Variants in PRKCZ observed in about 807,000 individuals in gnomAD.
PRKCZ encodes the protein protein kinase C zeta.
A neutral mutation model predicts 79.5 loss-of-function variants in PRKCZ; 33 were observed. That is an observed-to-expected ratio of 0.41 (90% CI 0.31 to 0.55). The LOEUF (loss-of-function observed/expected upper bound fraction) is 0.55. PRKCZ is among the 20% of genes least tolerant of loss of function. The probability of loss-of-function intolerance (pLI) is 0.19; values close to 1 mark genes in which losing one functional copy is unlikely to be tolerated. For missense variants in PRKCZ, 578 were observed against 813.5 expected, an observed-to-expected ratio of 0.71 and a Z score of 3.52; for synonymous variants, 342 against 320.9, an observed-to-expected ratio of 1.07 and a Z score of -0.70.
chr1:2,091,548 G>A (rs1356303506), intron 4 of PRKCZ, among the ~76,000 whole-genome samples: 2 of 152,058 alleles, frequency 1.3e-5, no homozygotes, highest in South Asian at 2.1e-4. Flanking sequence ...TTCTGTTCCT[G>A]GCCGTCCTCT....
chr1:2,101,799 CA>C (rs1007065341), intron 4 of PRKCZ, among the ~76,000 whole-genome samples: 1 of 152,162 alleles, frequency 6.6e-6, no homozygotes, highest in African/African-American at 2.4e-5. Flanking sequence ...AGATGTGTGG[CA>C]GAGGCGTAGT....
intron 4 of PRKCZ, among the ~76,000 whole-genome samples, chr1:2,080,649 T>C (rs1053630168): frequency 1.3e-5 from 2 of 152,194 alleles, no homozygotes; most frequent in Non-Finnish European, 2.9e-5. Flanking sequence ...GTCAGCGTAA[T>C]GCGTGAGTTA....
Position 2,172,006 on chromosome 1 carries a change from G to A in PRKCZ, c.1062-49G>A, listed in dbSNP as rs370941989. 15 of 1,539,970 alleles carry A rather than the reference G, an allele frequency of 9.7e-6. No individual in the cohort carries two copies. The highest frequency in any genetic ancestry group is 2.7e-5 in the African/African-American group (2 of 72,842). ...TGGCCCCCAGGCTGGAGCTGTTGGC[G>A]CAGCCTCTGGCACAGGCACTGCCCC... On this transcript the variant is annotated intron_variant, in intron 11 of 17. Transcript: ENST00000378567. The surrounding 1 kb of genome is among the most constrained non-coding windows in gnomAD (Gnocchi z 7.8).
At chr1:2,114,020 GC>G (rs1003672671) in intron 4 of PRKCZ, among the ~76,000 whole-genome samples, 7 of 152,274 alleles carry the variant, frequency 4.6e-5, no homozygotes, top group African/African-American at 1.7e-4. Flanking sequence ...GAGAGCGGGC[GC>G]CATGTTGTGT....
chr1:2,183,810 G>C (rs1441516418), intron 16 of PRKCZ: 2 of 152,406 alleles, frequency 1.3e-5, no homozygotes, highest in Admixed American at 6.5e-5. Flanking sequence ...GAGTTTGTCT[G>C]TGAGGGCGGG....
chr1:2,160,159 C>T (rs1681926339), intron 10 of PRKCZ, among the ~76,000 whole-genome samples: 1 of 152,198 alleles, frequency 6.6e-6, no homozygotes, highest in Non-Finnish European at 1.5e-5. Flanking sequence ...TCAGGCCGTG[C>T]ACTGACTGAG....
intron 4 of PRKCZ, among the ~76,000 whole-genome samples, chr1:2,120,638 G>C (rs1671705958): frequency 6.6e-6 from 1 of 151,570 alleles, no homozygotes; most frequent in African/African-American, 2.4e-5. Flanking sequence ...CTCTCCCCTG[G>C]GACCCCCACA....
chr1:2,086,652 T>G (rs1292005541), intron 4 of PRKCZ, among the ~76,000 whole-genome samples: 1 of 152,182 alleles, frequency 6.6e-6, no homozygotes, highest in African/African-American at 2.4e-5. Context: ...CTAACCTGCC[T>G]GCTGCTCCTG....
At chr1:2,164,966 C>A (rs905159981) in intron 10 of PRKCZ, among the ~76,000 whole-genome samples, 2 of 152,206 alleles carry the variant, frequency 1.3e-5, no homozygotes, top group African/African-American at 4.8e-5. Flanking sequence ...GGGGCTGCCT[C>A]CCATGCGTCC....
intron 4 of PRKCZ, among the ~76,000 whole-genome samples, chr1:2,108,653 G>A (rs571714348): frequency 6.6e-6 from 1 of 152,216 alleles, no homozygotes; most frequent in Admixed American, 6.5e-5. Flanking sequence ...TGGCCTGGTG[G>A]CCGTGGGAGA....
intron 4 of PRKCZ, among the ~76,000 whole-genome samples, chr1:2,100,470 G>A (rs535708504): frequency 6.6e-6 from 1 of 152,346 alleles, no homozygotes; most frequent in Non-Finnish European, 1.5e-5. Flanking sequence ...TCTAAATGCT[G>A]TGTCCTCTCC....
At chr1:2,072,770 C>G (rs977185342) in intron 4 of PRKCZ, among the ~76,000 whole-genome samples, 1 of 152,074 alleles carries the variant, frequency 6.6e-6, no homozygotes, top group Non-Finnish European at 1.5e-5. Flanking sequence ...GCTGGAGCAT[C>G]GAGGGCACAG....
chr1:2,102,314 G>GTT lies in PRKCZ; in HGVS notation c.335-32938_335-32937dup, dbSNP rs113018085. Among the ~76,000 whole-genome samples the GTT allele has an allele frequency of 4.4e-3, 628 of 143,798 alleles. 1 individual carries two copies. The highest frequency in any genetic ancestry group is 9.5e-3 in the African/African-American group (364 of 38,146). The allele number at this position is 143,798 out of a possible 152,430, so 94.3% of individuals were successfully genotyped here. ...AAGCCTAGTACACGTTTTTTATTGC[G>GTT]TTTTTTTTTTTGTTTGTTTTGTTTT... On this transcript the variant is annotated intron_variant, in intron 4 of 17. Coordinates refer to ENST00000378567, the MANE Select transcript of PRKCZ (RefSeq NM_002744.6).
At chr1:2,116,465 T>C (rs1670786059) in intron 4 of PRKCZ, among the ~76,000 whole-genome samples, 1 of 152,220 alleles carries the variant, frequency 6.6e-6, no homozygotes, top group Non-Finnish European at 1.5e-5. Flanking sequence ...TGTGTGTGTT[T>C]TAGAGACAAG....
intron 4 of PRKCZ, among the ~76,000 whole-genome samples, chr1:2,080,905 C>T (rs1373975936): frequency 3.3e-5 from 5 of 152,142 alleles, no homozygotes; most frequent in Non-Finnish European, 7.4e-5. Flanking sequence ...CTGGGGTTTG[C>T]CTCATGTTTT....
chr1:2,127,376 A>T lies in PRKCZ; in HGVS notation c.335-7886A>T, dbSNP rs1049428964. 6.6e-6 allele frequency among the ~76,000 whole-genome samples: 1 copy of T among 152,132 alleles called. No individual in the cohort carries two copies. The highest frequency in any genetic ancestry group is 2.1e-4 in the South Asian group (1 of 4,822). On this transcript the variant is annotated intron_variant, in intron 4 of 17. Transcript: ENST00000378567. This position sits in a 1 kb window ranked among gnomAD's most constrained non-coding sequence, Gnocchi z 5.1. ...CGATCCGGGCAGGTCCCTCAGATGGAGGGGCTGCACCTCCACTGCCCCCCC... is the reference window on the plus strand; with the variant it reads ...CGATCCGGGCAGGTCCCTCAGATGGTGGGGCTGCACCTCCACTGCCCCCCC...
rs545237341 is a variant in PRKCZ at position 2,134,953 on chromosome 1, G to A, written c.335-309G>A. 7 of 227,396 alleles carry A rather than the reference G, an allele frequency of 3.1e-5. No individual in the cohort carries two copies. The East Asian group carries it at 6.9e-4, about 22-fold the overall frequency. 14.1% of individuals were successfully genotyped at this position (227,396 alleles called of 1,614,324 possible). On this transcript the variant is annotated intron_variant, in intron 4 of 17. Coordinates refer to ENST00000378567, the MANE Select transcript of PRKCZ (RefSeq NM_002744.6). ...ACGGACCCGGCCTGCGTTGGCCTGG[G>A]GTGACTTCACGGCTCCACTGTCAGC...
intron 7 of PRKCZ, 71 bp from the exon 8 acceptor site, chr1:2,148,801 C>T: frequency 6.6e-7 from 1 of 1,504,024 alleles, no homozygotes; most frequent in South Asian, 1.1e-5. Context: ...GCAAGGTCCA[C>T]AGGGTCGCTG....
chr1:2,057,791 A>G (rs1368552750), intron 3 of PRKCZ, among the ~76,000 whole-genome samples: 1 of 150,202 alleles, frequency 6.7e-6, no homozygotes, highest in African/African-American at 2.5e-5. Context: ...TGCAACCTCC[A>G]CCTCCCAGAT....
Sources: gnomAD v4.1 joint callset for allele counts (sites outside exome capture counted in the v4.1 genomes callset) on GRCh38, gnomAD v4.1.1 for gene constraint, Gnocchi (gnomAD v3.1) non-coding constraint, MANE v1.5 for transcripts, NCBI Gene and HGNC (gene_info 2026-07-23, HGNC 2026-07-21) for gene names.